The following CAB39 variants were observed in gnomAD, a reference collection of about 807,000 sequenced individuals.
CAB39 encodes the protein calcium-binding protein 39.
Under a neutral mutation model 40.0 loss-of-function variants are expected in CAB39, and 8 were observed. The observed-to-expected ratio is 0.20, with a 90% CI of 0.12 to 0.36. CAB39 has a LOEUF of 0.36. CAB39 is among the 10% of genes least tolerant of loss of function. CAB39 has a pLI of 1.00. For missense variants in CAB39, 270 were observed against 401.1 expected (o/e 0.67, Z 2.79); for synonymous variants, 156 against 141.6 (o/e 1.10, Z -0.72).
intron 2 of CAB39, among the ~76,000 whole-genome samples, chr2:230,778,454 A>G (rs142743463): frequency 9.9e-4 from 151 of 152,284 alleles, no homozygotes; most frequent in Admixed American, 3.3e-3. Flanking sequence ...TTTATCAGCA[A>G]TTGCCTCTAG....
intron 2 of CAB39, among the ~76,000 whole-genome samples, chr2:230,769,705 A>G (rs1695449696): frequency 6.6e-6 from 1 of 152,208 alleles, no homozygotes; most frequent in Non-Finnish European, 1.5e-5. Context: ...GAGGCTGGAC[A>G]TAGTGGCTCA....
At chr2:230,721,793 G>C (rs1694457626) in intron 1 of CAB39, among the ~76,000 whole-genome samples, 1 of 152,180 alleles carries the variant, frequency 6.6e-6, no homozygotes. Flanking sequence ...TTTTAGTAGT[G>C]TGTATTGGCA....
intron 1 of CAB39, among the ~76,000 whole-genome samples, chr2:230,756,771 C>G (rs1049324879): frequency 1.3e-5 from 2 of 151,902 alleles, no homozygotes; most frequent in African/African-American, 4.8e-5. Flanking sequence ...TAGCTCACTG[C>G]AACCTCCCCG....
intron 1 of CAB39, among the ~76,000 whole-genome samples, chr2:230,734,338 T>A (rs562539060): frequency 6.6e-6 from 1 of 152,268 alleles, no homozygotes; most frequent in South Asian, 2.1e-4. Context: ...CCACCTGCAT[T>A]TCCTAAATAT....
At chr2:230,752,907 A>G (rs142513038) in intron 1 of CAB39, among the ~76,000 whole-genome samples, 1 of 152,190 alleles carries the variant, frequency 6.6e-6, no homozygotes, top group Non-Finnish European at 1.5e-5. Flanking sequence ...CAGGACTTAG[A>G]TGAAATTTGG....
chr2:230,780,658 G>A (rs1695671037), intron 2 of CAB39, among the ~76,000 whole-genome samples: 1 of 152,222 alleles, frequency 6.6e-6, no homozygotes, highest in Admixed American at 6.5e-5. Flanking sequence ...CCACAGAAGT[G>A]AAGTACCCTT....
At chr2:230,749,167 AC>A in intron 1 of CAB39, among the ~76,000 whole-genome samples, 1 of 151,906 alleles carries the variant, frequency 6.6e-6, no homozygotes, top group East Asian at 1.9e-4. Flanking sequence ...AATATACAAT[AC>A]TTTAATGTGT....
Position 230,776,771 on chromosome 2 carries a change from A to C in CAB39, c.115-14101A>C, listed in dbSNP as rs1018872783. Among the ~76,000 whole-genome samples, 24 of 151,814 alleles carry C rather than the reference A, an allele frequency of 1.6e-4. No individual in the cohort carries two copies. In the East Asian group the frequency reaches 4.7e-3, roughly 30 times the overall value. Reference sequence around the variant, plus strand: ...GGTGGCACGATCTCGGCTCACTGCAAGCTCCACCTCCTGGGTTCATGCCAT... The same window carrying C: ...GGTGGCACGATCTCGGCTCACTGCACGCTCCACCTCCTGGGTTCATGCCAT... On this transcript the variant is annotated intron_variant, in intron 2 of 8. Transcript: ENST00000258418.
At chr2:230,774,816 A>C (rs534951614) in intron 2 of CAB39, among the ~76,000 whole-genome samples, 1 of 152,238 alleles carries the variant, frequency 6.6e-6, no homozygotes, top group African/African-American at 2.4e-5. Flanking sequence ...GACTTTCCTT[A>C]GTCCATGATC....
At chr2:230,744,572 G>A (rs746388638) in intron 1 of CAB39, among the ~76,000 whole-genome samples, 9 of 152,246 alleles carry the variant, frequency 5.9e-5, no homozygotes, top group Non-Finnish European at 1.0e-4. Context: ...GATTACAGGC[G>A]TGAGCCACCA....
chr2:230,742,093 G>T (rs767240594), intron 1 of CAB39, among the ~76,000 whole-genome samples: 3 of 152,192 alleles, frequency 2.0e-5, no homozygotes, highest in Non-Finnish European at 4.4e-5. Context: ...GCAGTTCCAA[G>T]CCTAGCAGGA....
At chr2:230,812,682 T>TA (rs1696326349) in intron 6 of CAB39, among the ~76,000 whole-genome samples, 1 of 152,196 alleles carries the variant, frequency 6.6e-6, no homozygotes, top group East Asian at 1.9e-4. Flanking sequence ...CTCAAATACA[T>TA]ACCAAATAGA....
chr2:230,783,478 G>GTTTTGT (rs145862042), intron 2 of CAB39, among the ~76,000 whole-genome samples: 7 of 137,338 alleles, frequency 5.1e-5, no homozygotes, highest in South Asian at 4.7e-4. Flanking sequence ...GTTTTGTTTT[G>GTTTTGT]TTTGTTTTGA....
At chr2:230,778,693 T>G (rs1343467948) in intron 2 of CAB39, among the ~76,000 whole-genome samples, 1 of 152,190 alleles carries the variant, frequency 6.6e-6, no homozygotes, top group Non-Finnish European at 1.5e-5. Context: ...ATGGACTCTA[T>G]CCTTAAAAAT....
intron 2 of CAB39, among the ~76,000 whole-genome samples, chr2:230,787,715 A>G (rs1323766756): frequency 6.6e-6 from 1 of 152,172 alleles, no homozygotes; most frequent in African/African-American, 2.4e-5. Context: ...GCATTGTACC[A>G]TTCTGGATAG....
intron 7 of CAB39, among the ~76,000 whole-genome samples, chr2:230,816,393 G>A (rs953158319): frequency 6.6e-6 from 1 of 152,226 alleles, no homozygotes; most frequent in Non-Finnish European, 1.5e-5. Flanking sequence ...GTCTTTGTAA[G>A]ATACTGGTTG....
At chr2:230,784,057 C>G (rs763946774) in intron 2 of CAB39, among the ~76,000 whole-genome samples, 5 of 152,112 alleles carry the variant, frequency 3.3e-5, no homozygotes, top group Non-Finnish European at 7.4e-5. Flanking sequence ...CCAGTCAGTA[C>G]ACGATATATT....
intron 2 of CAB39, among the ~76,000 whole-genome samples, chr2:230,766,201 A>G (rs1403677420): frequency 6.6e-6 from 1 of 152,230 alleles, no homozygotes; most frequent in Non-Finnish European, 1.5e-5. Flanking sequence ...CTATAAACCC[A>G]GGTGCTTGCG....
chr2:230,741,342 TGGA>T (rs1694873317), intron 1 of CAB39, among the ~76,000 whole-genome samples: 1 of 152,226 alleles, frequency 6.6e-6, no homozygotes, highest in Non-Finnish European at 1.5e-5. Context: ...ATCCCAATCC[TGGA>T]TGCCTCCATG....
Sources: gnomAD v4.1 joint callset for allele counts (sites outside exome capture counted in the v4.1 genomes callset) on GRCh38, gnomAD v4.1.1 for gene constraint, MANE v1.5 for transcripts, NCBI Gene and HGNC (gene_info 2026-07-23, HGNC 2026-07-21) for gene names.